The following ANK3 variants were observed in gnomAD, a reference collection of about 807,000 sequenced individuals.
ANK3 encodes ankyrin-3.
ANK3 carries 57 observed loss-of-function variants against 370.9 expected under a neutral mutation model. That is an observed-to-expected ratio of 0.15 (90% CI 0.12 to 0.19). ANK3 has a LOEUF of 0.19. Among genes scored for constraint, ANK3 ranks in the 10% least tolerant of loss-of-function variants. The pLI, the probability that ANK3 is intolerant of heterozygous loss-of-function variation, is 1.00. For missense variants in ANK3, 4,439 were observed against 5,302.1 expected (o/e 0.84, Z 5.06); for synonymous variants, 1,929 against 1,946.3 (o/e 0.99, Z 0.23).
intron 1 of ANK3, among the ~76,000 whole-genome samples, chr10:60,341,784 C>A (rs976382277): frequency 4.6e-5 from 7 of 152,142 alleles, no homozygotes; most frequent in Admixed American, 1.3e-4. Context: ...TCAAAAGAAA[C>A]CTAATTTTAG....
In ANK3 at chr10:60,046,190, G is replaced by A. The variant is rs146332399; in HGVS notation, c.13066-3431C>T. Among the ~76,000 whole-genome samples the A allele has an allele frequency of 7.0e-4, 106 of 152,270 alleles. No homozygotes were observed. The East Asian group carries it at 0.017, about 25-fold the overall frequency. On this transcript the variant is annotated intron_variant, in intron 42 of 43. Transcript: ENST00000280772. Reference sequence around the variant, plus strand: ...AATTTGCAACACGTTTTTAATGGCAGTGTTATTTGTATTTTCTATGGTTGG... The same window carrying A: ...AATTTGCAACACGTTTTTAATGGCAATGTTATTTGTATTTTCTATGGTTGG...
chr10:60,053,905 G>A (rs2078602214), intron 42 of ANK3, among the ~76,000 whole-genome samples: 1 of 152,064 alleles, frequency 6.6e-6, no homozygotes. Flanking sequence ...GATTTTTTAG[G>A]TCATGAAGTC....
intron 1 of ANK3, among the ~76,000 whole-genome samples, chr10:60,295,696 G>A (rs2042350440): frequency 6.6e-6 from 1 of 152,030 alleles, no homozygotes; most frequent in African/African-American, 2.4e-5. Flanking sequence ...ACCCCAAAGA[G>A]CTTTTGATTA....
intron 2 of ANK3, among the ~76,000 whole-genome samples, chr10:60,458,119 A>G (rs940436287): frequency 3.9e-5 from 6 of 152,138 alleles, no homozygotes; most frequent in African/African-American, 1.4e-4. Flanking sequence ...TATTTCCCAT[A>G]CATAAAAATT....
Position 60,070,788 on chromosome 10 carries a change from A to G in ANK3, c.10093T>C (p.Ser3365Pro). ...AGGCCAAATTCATTATCTTTTCCAG[A>G]TCCATTACTTTCCAGTTCTTTCTGG... ...SNQKELESNG[S>P]GKDNEFGLGL... is the part of the protein sequence containing the mutation. Residue 3365 changes from serine to proline, a missense_variant, in exon 37 of 44, where the codon TCT becomes CCT. This residue lies in a region of ANK3 where 1,601 missense variants were observed against 1,731.7 expected (regional missense o/e 0.92). Coordinates refer to ENST00000280772, the MANE Select transcript of ANK3 (RefSeq NM_020987.5). The surrounding 1 kb of genome is among the most constrained non-coding windows in gnomAD (Gnocchi z 5.7). The G allele has an allele frequency of 6.2e-7, 1 of 1,614,136 alleles. No individual in the cohort carries two copies. The highest frequency in any genetic ancestry group is 8.5e-7 in the Non-Finnish European group (1 of 1,180,014).
In ANK3 at chr10:60,389,524, G is replaced by A. The variant is rs2062908055; in HGVS notation, c.15C>T (p.Ala5=). The A allele has an allele frequency of 6.2e-7, 1 of 1,613,610 alleles. No individual in the cohort carries two copies. The highest frequency in any genetic ancestry group is 2.2e-5 in the East Asian group (1 of 44,878). Residue 5 remains alanine (A), a synonymous_variant, in exon 1 of 44, where the codon GCC becomes GCT. Coordinates refer to ENST00000280772, the MANE Select transcript of ANK3 (RefSeq NM_020987.5). ...AATCCCTGTTTTTCTTTAATTGTGA[G>A]GCTGCATGAGCCATAATGCATTTAA... The part of the protein sequence containing the change: MAHA[A]SQLKKNRDLE...
At position 60,069,314 on chromosome 10, in the gene ANK3, A is replaced by G. The variant is rs1463838119; in HGVS notation, c.11567T>C (p.Leu3856Ser). The G allele has an allele frequency of 6.2e-7, 1 of 1,613,894 alleles. No homozygotes were observed. The highest frequency in any genetic ancestry group is 1.7e-5 in the Admixed American group (1 of 59,988). The change falls in exon 37 of 44, where the codon TTG (leucine) becomes TCG (serine). Residue 3856 changes from leucine (L) to serine (S), a missense_variant. Physicochemically the swap from Leu to Ser is moderately radical, Grantham distance 145 (BLOSUM62 -2). This residue lies in a region of ANK3 where 496 missense variants were observed against 529.3 expected (regional missense o/e 0.94). Transcript: ENST00000280772. The stretch of plus-strand genomic sequence containing the variant: ...TTTGGATTTTTGCCTAATCCCTATC[A>G]ATTCCTTTGTTTTTTGCTGTTCTCC... ...VLGEQQKTKE[L>S]IGIRQKSKLP...
intron 2 of ANK3, among the ~76,000 whole-genome samples, chr10:60,556,038 G>A (rs555902313): frequency 5.3e-5 from 8 of 152,318 alleles, no homozygotes; most frequent in Admixed American, 4.6e-4. Flanking sequence ...GGCTGCAGTT[G>A]TCAGTCATAG....
rs367991689 is a variant in ANK3, at chr10:60,221,071, T to C, written c.898-7561A>G. Among the ~76,000 whole-genome samples, 12 of 142,594 alleles carry C rather than the reference T, an allele frequency of 8.4e-5. No individual in the cohort carries two copies. In the East Asian group the frequency reaches 2.5e-3, roughly 30 times the overall value. 93.5% of individuals were successfully genotyped at this position (142,594 alleles called of 152,430 possible). A position where few individuals can be genotyped will look rare whatever the true frequency, so the allele number is the denominator to read the frequency against. Reference sequence around the variant, plus strand: ...GTTTCTTCTTACAGATACATATTTTTTGTTGATTTTGCCTTTTTTTTTTTT... The same window carrying C: ...GTTTCTTCTTACAGATACATATTTTCTGTTGATTTTGCCTTTTTTTTTTTT... On this transcript the variant is annotated intron_variant, in intron 8 of 43. Coordinates refer to ENST00000280772, the MANE Select transcript of ANK3 (RefSeq NM_020987.5).
chr10:60,054,374 ACTTAAAAGAG>A (rs2078706446), intron 42 of ANK3, among the ~76,000 whole-genome samples: 1 of 152,256 alleles, frequency 6.6e-6, no homozygotes, highest in Non-Finnish European at 1.5e-5. Flanking sequence ...CCTGAAAAAG[ACTTAAAAGAG>A]CTTAAAACTA....
chr10:60,723,294 T>A (rs1479501280), intron 1 of ANK3, among the ~76,000 whole-genome samples: 1 of 152,200 alleles, frequency 6.6e-6, no homozygotes, highest in Non-Finnish European at 1.5e-5. Flanking sequence ...TCACAACACC[T>A]TCCTTTTCTG....
chr10:60,093,079 A>G (rs1237640222), intron 28 of ANK3, among the ~76,000 whole-genome samples: 1 of 152,222 alleles, frequency 6.6e-6, no homozygotes, highest in East Asian at 1.9e-4. Context: ...AATAGGAAAG[A>G]ATCAAACAGT....
chr10:60,422,886 T>C (rs1469323651), intron 2 of ANK3, among the ~76,000 whole-genome samples: 1 of 152,064 alleles, frequency 6.6e-6, no homozygotes, highest in Non-Finnish European at 1.5e-5. Flanking sequence ...CTTTTATACA[T>C]ACGGAGAAAA....
intron 2 of ANK3, among the ~76,000 whole-genome samples, chr10:60,457,195 T>G (rs900068922): frequency 6.6e-6 from 1 of 152,104 alleles, no homozygotes; most frequent in Non-Finnish European, 1.5e-5. Flanking sequence ...AGAAAGAAGC[T>G]AAACATGTGC....
rs3045340 is a variant in ANK3 at position 60,100,234 on chromosome 10, G to GTTTTTTTTTTTTTT, written c.3328+5657_3328+5670dup. 5.5e-4 allele frequency among the ~76,000 whole-genome samples: 32 copies of GTTTTTTTTTTTTTT among 57,898 alleles called. 5 individuals carry two copies. Among genetic ancestry groups the GTTTTTTTTTTTTTT allele is most frequent in the African/African-American group, 1.9e-3 (22 of 11,732 alleles). The allele number at this position is 57,898 out of a possible 152,430, so 38.0% of individuals were successfully genotyped here. A position where few individuals can be genotyped will look rare whatever the true frequency, so the allele number is the denominator to read the frequency against. ...GGCTGAAAGTCAGTATTTTGCTATG[G>GTTTTTTTTTTTTTT]TTTTTTTTTTTTTTTTTTTTTTGCA... On this transcript the variant is annotated intron_variant, in intron 28 of 43. Coordinates refer to ENST00000280772, the MANE Select transcript of ANK3 (RefSeq NM_020987.5).
chr10:60,075,336 C>G lies in ANK3; in HGVS notation c.5545G>C (p.Ala1849Pro), dbSNP rs2083541115. ...TTAATGGGTGACAGCAAGGCTGCTG[C>G]TGATTTTGTAAATGAATTAGAGTCT... Reference protein sequence around the residue: ...LPDSNSFTKSAAALLSPIKTL... With the variant: ...LPDSNSFTKSPAALLSPIKTL... Residue 1849 changes from alanine (A) to proline (P), a missense_variant, in exon 37 of 44, where the codon GCA becomes CCA. Physicochemically the swap from Ala to Pro is conservative, Grantham distance 27 (BLOSUM62 -1). This residue lies in a region of ANK3 where 679 missense variants were observed against 791.0 expected (regional missense o/e 0.86). Coordinates refer to ENST00000280772, the MANE Select transcript of ANK3 (RefSeq NM_020987.5). 5 of 1,614,124 alleles carry G rather than the reference C, an allele frequency of 3.1e-6. No homozygotes were observed. Among genetic ancestry groups the G allele is most frequent in the Non-Finnish European group, 3.4e-6 (4 of 1,180,000 alleles).
At chr10:60,034,081 G>GTT (rs56758673) in intron 43 of ANK3, among the ~76,000 whole-genome samples, 2,408 of 105,378 alleles carry the variant, frequency 0.023, 33 homozygotes, top group Middle Eastern at 0.043. Context: ...TTCTGTTTTT[G>GTT]TTTTTTTTTT....
rs535351640 is a variant in ANK3 at position 60,301,315 on chromosome 10, TAC to T, written c.115-21678_115-21677del. 1.2e-3 allele frequency among the ~76,000 whole-genome samples: 178 copies of T among 144,476 alleles called. 1 individual carries two copies. The Middle Eastern group carries it at 0.014, about 12-fold the overall frequency. 94.8% of individuals were successfully genotyped at this position (144,476 alleles called of 152,430 possible). A position where few individuals can be genotyped will look rare whatever the true frequency, so the allele number is the denominator to read the frequency against. On this transcript the variant is annotated intron_variant, in intron 1 of 43. Coordinates refer to ENST00000280772, the MANE Select transcript of ANK3 (RefSeq NM_020987.5). ...ACACACACATACATATATACACACA[TAC>T]ACACACGTGTGTATATATACATATA...
intron 1 of ANK3, among the ~76,000 whole-genome samples, chr10:60,716,259 C>G (rs1182732040): frequency 6.6e-6 from 1 of 151,912 alleles, no homozygotes; most frequent in East Asian, 1.9e-4. Flanking sequence ...AGAAAAACTG[C>G]TTAGGGGGAA....
Sources: allele counts gnomAD v4.1 joint callset (sites outside exome capture counted in the v4.1 genomes callset), GRCh38; gene constraint gnomAD v4.1.1; regional missense constraint gnomAD v4.1.1; non-coding constraint Gnocchi (gnomAD v3.1); transcripts MANE v1.5; gene names NCBI Gene and HGNC (gene_info 2026-07-23, HGNC 2026-07-21).